ROBO1: variants seen among roughly 807,000 people sequenced by gnomAD.
ROBO1 encodes roundabout guidance receptor 1, also known as roundabout homolog 1.
ROBO1 carries 149 observed loss-of-function variants against 195.9 expected under a neutral mutation model. That is an observed-to-expected ratio of 0.76 (90% CI 0.67 to 0.87). The LOEUF (loss-of-function observed/expected upper bound fraction) is 0.87. Ranked by LOEUF, ROBO1 falls within the 40% of genes least tolerant of loss-of-function variation. The probability of loss-of-function intolerance (pLI) is 0.00; values close to 1 mark genes in which losing one functional copy is unlikely to be tolerated. For missense variants in ROBO1, 1,933 were observed against 2,068.3 expected (o/e 0.93, Z 1.27); for synonymous variants, 816 against 733.2 (o/e 1.11, Z -1.82).
At chr3:79,742,111 G>A (rs745340311) in intron 1 of ROBO1, among the ~76,000 whole-genome samples, 1 of 152,200 alleles carries the variant, frequency 6.6e-6, no homozygotes, top group Non-Finnish European at 1.5e-5. Flanking sequence ...TTTGTAGCCT[G>A]GCCATGTGGT....
At chr3:79,212,943 A>G (rs957788945) in intron 2 of ROBO1, among the ~76,000 whole-genome samples, 2 of 152,170 alleles carry the variant, frequency 1.3e-5, no homozygotes, top group Non-Finnish European at 1.5e-5. Context: ...CTGAACGCCA[A>G]TTTAATTCCT....
At chr3:78,773,109 T>C (rs1180579852) in intron 4 of ROBO1, among the ~76,000 whole-genome samples, 1 of 152,122 alleles carries the variant, frequency 6.6e-6, no homozygotes. Flanking sequence ...TATTATTGTA[T>C]GCTGTGTTAG....
intron 4 of ROBO1, among the ~76,000 whole-genome samples, chr3:78,790,175 T>C (rs1312298335): frequency 3.3e-5 from 5 of 152,140 alleles, no homozygotes; most frequent in Admixed American, 3.3e-4. Context: ...TTATACCTGG[T>C]GTCAGGACAC....
chr3:78,707,371 C>A (rs1006554140), intron 8 of ROBO1, among the ~76,000 whole-genome samples: 1 of 152,100 alleles, frequency 6.6e-6, no homozygotes, highest in Admixed American at 6.6e-5. Flanking sequence ...TCAGTCCTAA[C>A]GAGAAAGTAT....
rs571193933 is a variant in ROBO1 at position 79,732,261 on chromosome 3, G to A, written c.-51+35491C>T. Among the ~76,000 whole-genome samples, 48 of 151,644 alleles carry A rather than the reference G, an allele frequency of 3.2e-4. 1 individual carries two copies. The South Asian group carries it at 7.5e-3, about 24-fold the overall frequency. On this transcript the variant is annotated intron_variant, in intron 1 of 30. Coordinates refer to ENST00000464233, the MANE Select transcript of ROBO1 (RefSeq NM_002941.4). ...GAAGTCAAGTGTTGATAAAAATATC[G>A]TTACACATGACAATATTTAAAATTT... is the stretch of plus-strand genomic sequence containing the variant.
chr3:79,346,261 T>C (rs1247421743), intron 2 of ROBO1, among the ~76,000 whole-genome samples: 1 of 152,136 alleles, frequency 6.6e-6, no homozygotes, highest in Non-Finnish European at 1.5e-5. Flanking sequence ...TTAACCAAAA[T>C]GGTTTTGATA....
chr3:78,676,759 T>C (rs1215204430), intron 10 of ROBO1, among the ~76,000 whole-genome samples: 2 of 152,166 alleles, frequency 1.3e-5, no homozygotes, highest in Admixed American at 6.6e-5. Flanking sequence ...CTGCAGGATA[T>C]TATCCAGGAG....
intron 2 of ROBO1, among the ~76,000 whole-genome samples, chr3:79,197,052 G>T (rs2081650553): frequency 6.6e-6 from 1 of 151,190 alleles, no homozygotes; most frequent in South Asian, 2.1e-4. Flanking sequence ...TACCTATCTT[G>T]TTTTTCGTAT....
intron 4 of ROBO1, among the ~76,000 whole-genome samples, chr3:78,831,164 G>A (rs2032162118): frequency 6.6e-6 from 1 of 152,044 alleles, no homozygotes; most frequent in South Asian, 2.1e-4. Context: ...ACCCGCCTCA[G>A]CCTCCCAAAG....
intron 2 of ROBO1, among the ~76,000 whole-genome samples, chr3:79,473,382 C>T (rs927651662): frequency 3.3e-5 from 5 of 152,114 alleles, no homozygotes; most frequent in Non-Finnish European, 5.9e-5. Context: ...CCAACCTTAC[C>T]TATGGTTGTA....
rs549147979 is a variant in ROBO1 at position 79,397,831 on chromosome 3, C to G, written c.88+191993G>C. On this transcript the variant is annotated intron_variant, in intron 2 of 30. Coordinates refer to ENST00000464233, the MANE Select transcript of ROBO1 (RefSeq NM_002941.4). Reference sequence around the variant, plus strand: ...GCTTTTGCATTAAGCTACTTAACCTCTCTGTCTCTCATATTATTCATCTGT... The same window carrying G: ...GCTTTTGCATTAAGCTACTTAACCTGTCTGTCTCTCATATTATTCATCTGT... Among the ~76,000 whole-genome samples, 6 of 152,292 alleles carry G rather than the reference C, an allele frequency of 3.9e-5. 1 individual carries two copies. Among genetic ancestry groups the G allele is most frequent in the Non-Finnish European group, 8.8e-5 (6 of 68,030 alleles).
chr3:79,310,778 AAAAAATT>A (rs1020275637), intron 2 of ROBO1, among the ~76,000 whole-genome samples: 1 of 152,170 alleles, frequency 6.6e-6, no homozygotes, highest in Non-Finnish European at 1.5e-5. Context: ...TTTTAAAATA[AAAAAATT>A]AAAGTAAGTT....
chr3:79,704,848 T>G (rs1947719670), intron 1 of ROBO1, among the ~76,000 whole-genome samples: 1 of 152,012 alleles, frequency 6.6e-6, no homozygotes, highest in African/African-American at 2.4e-5. Flanking sequence ...CATCAGCATT[T>G]TGTATTGCCA....
intron 3 of ROBO1, among the ~76,000 whole-genome samples, chr3:79,055,820 T>C (rs889394522): frequency 2.0e-5 from 3 of 152,044 alleles, no homozygotes; most frequent in African/African-American, 7.2e-5. Context: ...CTCCTGATCA[T>C]ATCCCTTTAC....
intron 1 of ROBO1, among the ~76,000 whole-genome samples, chr3:79,745,900 G>T (rs1018537456): frequency 1.3e-5 from 2 of 151,760 alleles, no homozygotes; most frequent in Non-Finnish European, 2.9e-5. Context: ...ATGAACCCCT[G>T]CTTTTATTCA....
At chr3:79,551,980 TAAAAAAAAAAA>T (rs771824432) in intron 2 of ROBO1, among the ~76,000 whole-genome samples, 24 of 44,262 alleles carry the variant, frequency 5.4e-4, no homozygotes, top group Non-Finnish European at 7.5e-4. Context: ...TCTACAGAGT[TAAAAAAAAAAA>T]AAAAAAAAAA....
rs151241968 is a variant in ROBO1, at chr3:79,745,392, T to C, written c.-51+22360A>G. Among the ~76,000 whole-genome samples the C allele has an allele frequency of 6.6e-5, 10 of 152,302 alleles. No individual in the cohort carries two copies. The Middle Eastern group carries it at 0.014, about 207-fold the overall frequency. ...CTGGTTCTTGTCTTTTTTAAAAAAA[T>C]AGGAGAAACACATTTATGTAATTCT... On this transcript the variant is annotated intron_variant, in intron 1 of 30. Coordinates refer to ENST00000464233, the MANE Select transcript of ROBO1 (RefSeq NM_002941.4).
Position 79,022,673 on chromosome 3 carries a change from G to A in ROBO1, c.173-83746C>T, listed in dbSNP as rs546558518. On this transcript the variant is annotated intron_variant, in intron 3 of 30. Transcript: ENST00000464233. ...TGGGTGGGAGACACAGCACCAGGAA[G>A]GAGAAAGTGTGGTAACTTGTACTCA... is the stretch of plus-strand genomic sequence containing the variant. Among the ~76,000 whole-genome samples, 3 of 152,320 alleles carry A rather than the reference G, an allele frequency of 2.0e-5. No homozygotes were observed. In the South Asian group the frequency reaches 6.2e-4, roughly 32 times the overall value.
rs141569582 is a variant in ROBO1 at position 79,176,735 on chromosome 3, G to A, written c.89-51196C>T. ...TCGGCCCCCCAAAGGGCTGGGGTTA[G>A]AGGTGTGAGCTGCCGCGCCTAGCCT... On this transcript the variant is annotated intron_variant, in intron 2 of 30. Transcript: ENST00000464233. Among the ~76,000 whole-genome samples the A allele has an allele frequency of 4.7e-4, 72 of 152,276 alleles. No homozygotes were observed. The East Asian group carries it at 0.013, about 27-fold the overall frequency.
Sources: allele counts gnomAD v4.1 joint callset (sites outside exome capture counted in the v4.1 genomes callset), GRCh38; gene constraint gnomAD v4.1.1; transcripts MANE v1.5; gene names NCBI Gene and HGNC (gene_info 2026-07-23, HGNC 2026-07-21).